DIP2B: variants seen among roughly 807,000 people sequenced by gnomAD.
DIP2B encodes DIP2 acetate--CoA ligase B (putative).
DIP2B carries 76 observed loss-of-function variants against 198.0 expected under a neutral mutation model. That is an observed-to-expected ratio of 0.38 (90% CI 0.32 to 0.46). DIP2B has a LOEUF of 0.46. Ranked by LOEUF, DIP2B falls within the 20% of genes least tolerant of loss-of-function variation. The pLI, the probability that DIP2B is intolerant of heterozygous loss-of-function variation, is 0.99. For synonymous variants in DIP2B, 701 were observed against 739.1 expected (o/e 0.95, Z 0.84); for missense variants, 1,559 against 1,978.4 (o/e 0.79, Z 4.02).
chr12:50,529,716 G>A (rs113835840), intron 1 of DIP2B, among the ~76,000 whole-genome samples: 5 of 151,898 alleles, frequency 3.3e-5, no homozygotes, highest in East Asian at 2.0e-4. Flanking sequence ...AAAAGTAGCC[G>A]GGTGTGGTGG....
chr12:50,578,349 TTTTG>T (rs58954148), intron 1 of DIP2B, among the ~76,000 whole-genome samples: 41,407 of 151,594 alleles, frequency 0.27, 5,931 homozygotes, highest in East Asian at 0.39. Flanking sequence ...TACATCTTTT[TTTTG>T]TTTGTTTGTT....
intron 9 of DIP2B, among the ~76,000 whole-genome samples, chr12:50,682,487 G>A (rs1258652194): frequency 6.6e-6 from 1 of 151,976 alleles, no homozygotes; most frequent in Non-Finnish European, 1.5e-5. Context: ...AAATTAGCCA[G>A]GCGTGGTGGC....
intron 3 of DIP2B, among the ~76,000 whole-genome samples, chr12:50,653,328 C>CTTTTTTTTTTTTTTTTTTTT (rs71086465): frequency 8.6e-6 from 1 of 116,292 alleles, no homozygotes; most frequent in Non-Finnish European, 1.7e-5. Flanking sequence ...GTCTTTCTTT[C>CTTTTTTTTTTTTTTTTTTTT]TTTTTTTTTT....
chr12:50,653,261 G>T (rs1489560236), intron 3 of DIP2B, among the ~76,000 whole-genome samples: 4 of 148,202 alleles, frequency 2.7e-5, no homozygotes, highest in Non-Finnish European at 6.0e-5. Context: ...ATGTTTCTAA[G>T]AATTTATCCA....
At chr12:50,683,299 A>C in intron 10 of DIP2B, 51 bp downstream of exon 10, 1 of 1,470,804 alleles carries the variant, frequency 6.8e-7, no homozygotes, top group Non-Finnish European at 9.4e-7. Context: ...CATGGCAGGC[A>C]TTGGGTTCTT....
Position 50,555,959 on chromosome 12 carries a change from C to T in DIP2B, c.100+50719C>T, listed in dbSNP as rs143093690. Among the ~76,000 whole-genome samples, 5 of 152,314 alleles carry T rather than the reference C, an allele frequency of 3.3e-5. No homozygotes were observed. The East Asian group carries it at 9.6e-4, about 29-fold the overall frequency. On this transcript the variant is annotated intron_variant, in intron 1 of 37. Coordinates refer to ENST00000301180, the MANE Select transcript of DIP2B (RefSeq NM_173602.3). ...ATTCTGAACAGCAGCAAAAACCACACACCAATCTTTAGAAATTAAATCTTT... is the reference window on the plus strand; with the variant it reads ...ATTCTGAACAGCAGCAAAAACCACATACCAATCTTTAGAAATTAAATCTTT...
At chr12:50,585,390 G>T (rs1958761704) in intron 1 of DIP2B, among the ~76,000 whole-genome samples, 1 of 152,222 alleles carries the variant, frequency 6.6e-6, no homozygotes, top group Non-Finnish European at 1.5e-5. Context: ...CAGATGAAGC[G>T]TGGGCTAAGG....
At position 50,697,166 on chromosome 12, in the gene DIP2B, C is replaced by A; in HGVS notation, c.2039C>A (p.Ala680Glu). Residue 680 changes from alanine to glutamate, a missense_variant, in exon 17 of 38, where the codon GCA becomes GAA. Ala to Glu is a moderately radical substitution (Grantham distance 107, BLOSUM62 -1). Transcript: ENST00000301180. ...ACGTCTGCTGAAGCCATGACTGTAG[C>A]AATCCGCAGGTACTGTTCAGGATGT... The part of the protein sequence containing the change: ...CATSAEAMTV[A>E]IRRPGVPGAP... The A allele has an allele frequency of 6.2e-7, 1 of 1,613,964 alleles. No individual in the cohort carries two copies. The highest frequency in any genetic ancestry group is 1.3e-5 in the African/African-American group (1 of 75,044).
intron 1 of DIP2B, among the ~76,000 whole-genome samples, chr12:50,581,001 G>C (rs946857135): frequency 1.3e-5 from 2 of 149,124 alleles, no homozygotes; most frequent in African/African-American, 2.5e-5. Context: ...TATGAATTCA[G>C]TTTTACTTTG....
chr12:50,648,724 C>A (rs1388130018), intron 3 of DIP2B, among the ~76,000 whole-genome samples: 1 of 144,664 alleles, frequency 6.9e-6, no homozygotes, highest in Non-Finnish European at 1.5e-5. Flanking sequence ...CTTGCAAGGG[C>A]TTTTTTTTAA....
intron 1 of DIP2B, among the ~76,000 whole-genome samples, chr12:50,512,985 C>T (rs1017186492): frequency 6.6e-6 from 1 of 152,008 alleles, no homozygotes; most frequent in African/African-American, 2.4e-5. Context: ...CCAGCCTGGG[C>T]GACAGAGCGA....
intron 1 of DIP2B, among the ~76,000 whole-genome samples, chr12:50,621,161 A>G (rs528959766): frequency 2.6e-5 from 4 of 152,370 alleles, no homozygotes; most frequent in African/African-American, 7.2e-5. Flanking sequence ...AGCACAGACT[A>G]TAAGTGGTGG....
At chr12:50,707,695 A>T (rs1303208778) in intron 21 of DIP2B, among the ~76,000 whole-genome samples, 1 of 152,116 alleles carries the variant, frequency 6.6e-6, no homozygotes, top group Non-Finnish European at 1.5e-5. Context: ...TGAGACAGTG[A>T]CAAGTGCTAT....
At chr12:50,693,672 C>G (rs1050773193) in intron 14 of DIP2B, among the ~76,000 whole-genome samples, 3 of 152,144 alleles carry the variant, frequency 2.0e-5, no homozygotes, top group Non-Finnish European at 4.4e-5. Context: ...TTTCCATTTT[C>G]TTCTTTATCA....
chr12:50,685,654 T>A (rs1191102931), intron 10 of DIP2B, among the ~76,000 whole-genome samples, 179 bp from the exon 11 acceptor site: 2 of 152,248 alleles, frequency 1.3e-5, no homozygotes, highest in African/African-American at 2.4e-5. Context: ...AGGAAATGTT[T>A]GTATTGTGGA....
intron 1 of DIP2B, among the ~76,000 whole-genome samples, chr12:50,563,564 C>T (rs1387532897): frequency 6.8e-6 from 1 of 147,336 alleles, no homozygotes; most frequent in Non-Finnish European, 1.5e-5. Flanking sequence ...GATTATAGCT[C>T]GCTCTAGCCT....
intron 3 of DIP2B, among the ~76,000 whole-genome samples, chr12:50,645,525 A>G (rs538546030): frequency 9.5e-4 from 143 of 150,008 alleles, no homozygotes; most frequent in Non-Finnish European, 1.4e-3. Flanking sequence ...TGGCACAATC[A>G]TGGCTCAGTG....
chr12:50,592,610 TG>T (rs1345234618), intron 1 of DIP2B, among the ~76,000 whole-genome samples: 3 of 152,240 alleles, frequency 2.0e-5, no homozygotes, highest in East Asian at 1.9e-4. Context: ...CCTGAGTAGC[TG>T]GGATTACAGG....
chr12:50,505,007 C>T lies in DIP2B; in HGVS notation c.-134C>T, dbSNP rs1016728119. ...CTCACGTGACCTTTGCTCATGGCGG[C>T]GGCGGCGGCGGCGGCGGTGCTGGTG... On this transcript the variant is annotated 5_prime_UTR_variant, in exon 1 of 38. Transcript: ENST00000301180. 3.5e-6 allele frequency: 3 copies of T among 849,144 alleles called. No individual in the cohort carries two copies. The highest frequency in any genetic ancestry group is 5.1e-5 in the Admixed American group (2 of 39,274). 52.6% of individuals were successfully genotyped at this position (849,144 alleles called of 1,614,324 possible). A position where few individuals can be genotyped will look rare whatever the true frequency, so the allele number is the denominator to read the frequency against.
Sources: allele counts gnomAD v4.1 joint callset (sites outside exome capture counted in the v4.1 genomes callset), GRCh38; gene constraint gnomAD v4.1.1; transcripts MANE v1.5; gene names NCBI Gene and HGNC (gene_info 2026-07-23, HGNC 2026-07-21).